ANKRD54: variants seen among roughly 807,000 people sequenced by gnomAD.
ANKRD54 encodes ankyrin repeat domain 54.
In ANKRD54, 26 loss-of-function variants were observed where a neutral mutation model predicts 36.2. The ratio of observed to expected loss-of-function variants is 0.72; its 90% CI spans 0.53 to 1.00. The LOEUF (loss-of-function observed/expected upper bound fraction) is 1.00. Ranked by LOEUF, ANKRD54 falls within the 50% of genes least tolerant of loss-of-function variation. The probability of loss-of-function intolerance (pLI) is 0.00; values close to 1 mark genes in which losing one functional copy is unlikely to be tolerated. For missense variants in ANKRD54, 384 were observed against 424.3 expected (o/e 0.91, Z 0.83); for synonymous variants, 209 against 188.4 (o/e 1.11, Z -0.89).
chr22:37,835,432 GA>G (rs1295538864), intron 3 of ANKRD54, among the ~76,000 whole-genome samples: 5 of 152,198 alleles, frequency 3.3e-5, no homozygotes, highest in East Asian at 1.9e-4. Flanking sequence ...CTCAGAAAAT[GA>G]AACAGCAAGC....
At position 37,836,184 on chromosome 22, in the gene ANKRD54, C is replaced by T. The variant is rs569421594; in HGVS notation, c.475+2316G>A. Among the ~76,000 whole-genome samples the T allele has an allele frequency of 5.7e-4, 86 of 150,320 alleles. 1 individual carries two copies. The highest frequency in any genetic ancestry group is 2.0e-3 in the African/African-American group (84 of 41,238). ...AAAAGAGGCCAGGTGCGGTGGCTCA[C>T]GCCTGTAATCCCAGCGCTATGGGAG... On this transcript the variant is annotated intron_variant, in intron 3 of 7. Coordinates refer to ENST00000215941, the MANE Select transcript of ANKRD54 (RefSeq NM_138797.4).
rs1601734457 is a variant in ANKRD54, at chr22:37,841,548, ACACACAC to A, written c.329-1321_329-1315del. Among the ~76,000 whole-genome samples, 8 of 148,336 alleles carry A rather than the reference ACACACAC, an allele frequency of 5.4e-5. No homozygotes were observed. The East Asian group carries it at 1.2e-3, about 22-fold the overall frequency. ...CTCACACAAACACACACACACACAC[ACACACAC>A]ACAAAAAACATAGGCCGGGCACAGT... On this transcript the variant is annotated intron_variant, in intron 1 of 7. Transcript: ENST00000215941.
chr22:37,831,789 A>C lies in ANKRD54; in HGVS notation c.*154T>G. 1.5e-6 allele frequency: 1 copy of C among 686,436 alleles called. No individual in the cohort carries two copies. The highest frequency in any genetic ancestry group is 2.4e-6 in the Non-Finnish European group (1 of 412,558). 42.5% of individuals were successfully genotyped at this position (686,436 alleles called of 1,614,324 possible). Reference sequence around the variant, plus strand: ...TGGGAGTGGCTCTGAGGCCGTGGAGAGAGAGCATCTCTGCCCCACGGCATC... The same window carrying C: ...TGGGAGTGGCTCTGAGGCCGTGGAGCGAGAGCATCTCTGCCCCACGGCATC... On this transcript the variant is annotated 3_prime_UTR_variant, in exon 8 of 8. Coordinates refer to ENST00000215941, the MANE Select transcript of ANKRD54 (RefSeq NM_138797.4).
chr22:37,843,705 C>T, intron 1 of ANKRD54: 1 of 308,684 alleles, frequency 3.2e-6, no homozygotes, highest in East Asian at 5.6e-5. Context: ...GGGTGACTGG[C>T]TCAGAGCAGG....
intron 1 of ANKRD54, 200 bp downstream of exon 1, chr22:37,843,711 G>C (rs998859716): frequency 3.2e-6 from 1 of 314,798 alleles, no homozygotes; most frequent in Non-Finnish European, 5.7e-6. Flanking sequence ...CTGGCTCAGA[G>C]CAGGAAGACT....
chr22:37,845,280 C>T (rs1924769789), upstream of ANKRD54, among the ~76,000 whole-genome samples: 1 of 152,174 alleles, frequency 6.6e-6, no homozygotes, highest in Non-Finnish European at 1.5e-5. Flanking sequence ...AGGTCCTGGA[C>T]ACAGGATCAG....
rs991722799 is a variant in ANKRD54, at chr22:37,831,610, G to A, written c.*333C>T. On this transcript the variant is annotated 3_prime_UTR_variant, in exon 8 of 8. Transcript: ENST00000215941. ...CACAGAGAAGGGTCTGAGGCCTGGA[G>A]CGCGCCATGAAGGCCATGGGGCAAG... 1 of 327,092 alleles carries A rather than the reference G, an allele frequency of 3.1e-6. No homozygotes were observed. The highest frequency in any genetic ancestry group is 5.8e-6 in the Non-Finnish European group (1 of 171,766). The allele number at this position is 327,092 out of a possible 1,614,324, so 20.3% of individuals were successfully genotyped here. A position where few individuals can be genotyped will look rare whatever the true frequency, so the allele number is the denominator to read the frequency against.
chr22:37,847,817 G>A (rs751458851), upstream of ANKRD54: 3 of 429,384 alleles, frequency 7.0e-6, no homozygotes, highest in Admixed American at 6.0e-5. Context: ...CACCTCTGGT[G>A]ACAGCACAAG....
chr22:37,843,765 A>G, intron 1 of ANKRD54, 146 bp downstream of exon 1: 1 of 424,028 alleles, frequency 2.4e-6, no homozygotes, highest in Non-Finnish European at 3.7e-6. Flanking sequence ...AAGGAGACTC[A>G]AGGGTCAGTG....
At chr22:37,838,455 C>A in intron 3 of ANKRD54, 45 bp downstream of exon 3, 1 of 1,558,310 alleles carries the variant, frequency 6.4e-7, no homozygotes. Context: ...TGTGCAGAGA[C>A]ACTACTTGCC....
chr22:37,847,649 T>C (rs1346966393), upstream of ANKRD54: 2 of 483,606 alleles, frequency 4.1e-6, no homozygotes, highest in Admixed American at 2.8e-5. Flanking sequence ...GCAATAAAAA[T>C]ATTTCACAAA....
In ANKRD54 at chr22:37,833,155, A is replaced by C; in HGVS notation, c.595+4T>G. 1 of 1,613,848 alleles carries C rather than the reference A, an allele frequency of 6.2e-7. No individual in the cohort carries two copies. The highest frequency in any genetic ancestry group is 8.5e-7 in the Non-Finnish European group (1 of 1,179,984). ...GAGGACAGAGAGGGGAAGAAACCAC[A>C]TACCTCCTCGTAGCAGTGTGGTGAT... is the stretch of plus-strand genomic sequence containing the variant. On this transcript the variant is annotated splice_donor_region_variant and intron_variant, in intron 5 of 7. Transcript: ENST00000215941.
intron 1 of ANKRD54, among the ~76,000 whole-genome samples, chr22:37,841,190 A>G (rs1312957948): frequency 1.3e-5 from 2 of 151,830 alleles, no homozygotes; most frequent in African/African-American, 4.8e-5. Context: ...CCAGGAGTTC[A>G]AGACCAGCCT....
At chr22:37,836,414 C>T (rs1923540808) in intron 3 of ANKRD54, among the ~76,000 whole-genome samples, 1 of 138,570 alleles carries the variant, frequency 7.2e-6, no homozygotes, top group Admixed American at 7.4e-5. Context: ...CCATTGCACT[C>T]CAGCCTGGGC....
Position 37,840,317 on chromosome 22 carries a change from G to A in ANKRD54, c.329-83C>T. Reference sequence around the variant, plus strand: ...CTCATGCCTATAATCCCAGCACTCTGGGAGGCCAAGGCAGGCAGATCACAA... The same window carrying A: ...CTCATGCCTATAATCCCAGCACTCTAGGAGGCCAAGGCAGGCAGATCACAA... On this transcript the variant is annotated intron_variant, in intron 1 of 7. Coordinates refer to ENST00000215941, the MANE Select transcript of ANKRD54 (RefSeq NM_138797.4). 2.0e-6 allele frequency: 3 copies of A among 1,464,944 alleles called. 1 individual carries two copies. In the South Asian group the frequency reaches 3.4e-5, roughly 17 times the overall value. 90.7% of individuals were successfully genotyped at this position (1,464,944 alleles called of 1,614,324 possible).
At chr22:37,834,729 GA>G (rs1923319305) in intron 3 of ANKRD54, 1 of 97,636 alleles carries the variant, frequency 1.0e-5, no homozygotes, top group Non-Finnish European at 2.1e-5. Context: ...AAAAAAAAAA[GA>G]GAAAGGAAAG....
upstream of ANKRD54, chr22:37,844,462 C>T (rs1448941905): frequency 2.2e-6 from 1 of 462,252 alleles, no homozygotes; most frequent in African/African-American, 2.1e-5. Context: ...AGGGAGGGCA[C>T]AGTACAAGCA....
upstream of ANKRD54, chr22:37,848,112 T>G (rs1924947096): frequency 6.5e-6 from 1 of 153,448 alleles, no homozygotes; most frequent in African/African-American, 2.4e-5. Flanking sequence ...AGTGGCGGAG[T>G]AGGGACTGGA....
intron 1 of ANKRD54, among the ~76,000 whole-genome samples, chr22:37,841,216 ACC>A (rs1222999199): frequency 2.0e-5 from 3 of 151,870 alleles, no homozygotes; most frequent in Non-Finnish European, 4.4e-5. Context: ...ACATGCTGAA[ACC>A]CCATCTCTAC....
Sources: allele counts gnomAD v4.1 joint callset (sites outside exome capture counted in the v4.1 genomes callset), GRCh38; gene constraint gnomAD v4.1.1; transcripts MANE v1.5; gene names NCBI Gene and HGNC (gene_info 2026-07-23, HGNC 2026-07-21).